Variants in METTL5 observed in about 807,000 individuals in gnomAD.
METTL5 encodes methyltransferase 5, N6-adenosine.
A neutral mutation model predicts 26.5 loss-of-function variants in METTL5; 28 were observed. That is an observed-to-expected ratio of 1.06 (90% CI 0.78 to 1.45). The LOEUF (loss-of-function observed/expected upper bound fraction) is 1.45, where lower values mean the gene tolerates loss of function less well. Among genes scored for constraint, METTL5 ranks in the 40% most tolerant of loss-of-function variants. The pLI is 0.00. For synonymous variants in METTL5, 86 were observed against 82.6 expected (o/e 1.04, Z -0.22); for missense variants, 231 against 249.9 (o/e 0.92, Z 0.51).
At chr2:169,821,791 A>G (rs771456517) in intron 2 of METTL5, 152 bp downstream of exon 2, 3 of 629,748 alleles carry the variant, frequency 4.8e-6, no homozygotes, top group Non-Finnish European at 8.1e-6. Flanking sequence ...TAGTTTGTTT[A>G]GATCTTCTGC....
In METTL5 at chr2:169,812,507, C is replaced by G. The variant is rs1690007203; in HGVS notation, c.542-1G>C. On this transcript the variant is annotated splice_acceptor_variant, in intron 5 of 6. Transcript: ENST00000260953. LOFTEE classifies it high-confidence loss of function. ...GATGCTGGCAGGTCATATCGAAGTT[C>G]TGTAAAACAAAAGCCACCTAAGGAT... is the stretch of plus-strand genomic sequence containing the variant. 4.3e-6 allele frequency: 7 copies of G among 1,612,940 alleles called. No individual in the cohort carries two copies. The highest frequency in any genetic ancestry group is 5.9e-6 in the Non-Finnish European group (7 of 1,179,768).
At chr2:169,822,400 C>A (rs1174634580) in intron 1 of METTL5, among the ~76,000 whole-genome samples, 1 of 152,092 alleles carries the variant, frequency 6.6e-6, no homozygotes, top group African/African-American at 2.4e-5. Context: ...CATATCGGTT[C>A]TTTCTTTGAT....
chr2:169,819,425 G>T, intron 4 of METTL5, 136 bp downstream of exon 4: 1 of 582,152 alleles, frequency 1.7e-6, no homozygotes, highest in Non-Finnish European at 2.9e-6. Flanking sequence ...CTGGTTAAGT[G>T]GAAAATTTAA....
chr2:169,823,093 TCCTG>T (rs1445541552), intron 1 of METTL5, among the ~76,000 whole-genome samples: 1 of 151,908 alleles, frequency 6.6e-6, no homozygotes, highest in Non-Finnish European at 1.5e-5. Flanking sequence ...CAAGCAATTC[TCCTG>T]CCTTAGTATC....
At chr2:169,815,941 T>C (rs540442292) in intron 4 of METTL5, among the ~76,000 whole-genome samples, 1 of 152,322 alleles carries the variant, frequency 6.6e-6, no homozygotes, top group East Asian at 1.9e-4. Flanking sequence ...TACCATTGTG[T>C]TACAATTGCC....
rs778601058 is a variant in METTL5, at chr2:169,821,968, T to C, written c.199A>G (p.Ile67Val). 1 of 1,613,814 alleles carries C rather than the reference T, an allele frequency of 6.2e-7. No homozygotes were observed. Among genetic ancestry groups the C allele is most frequent in the East Asian group, 2.2e-5 (1 of 44,872 alleles). Reference protein sequence around the residue: ...DLGCGCGVLSIGTAMLGAGLC... With the variant: ...DLGCGCGVLSVGTAMLGAGLC... The stretch of plus-strand genomic sequence containing the variant: ...CCTGCTCCTAACATTGCAGTTCCGA[T>C]GCTAAGTACTCCACAACCACATCCT... The change falls in exon 2 of 7, where the codon ATC becomes GTC. Residue 67 changes from isoleucine (I) to valine (V), a missense_variant. Ile to Val is a conservative substitution (Grantham distance 29, BLOSUM62 3). Transcript: ENST00000260953.
In METTL5 at chr2:169,811,772, T is replaced by C. The variant is rs1689963222; in HGVS notation, c.*48A>G. 5.0e-6 allele frequency: 8 copies of C among 1,612,962 alleles called. No individual in the cohort carries two copies. Among genetic ancestry groups the C allele is most frequent in the Non-Finnish European group, 6.8e-6 (8 of 1,179,642 alleles). Reference sequence around the variant, plus strand: ...AGACCAGTAGTTTAGTAAACCAATTTTTTATTCATTTTAAATAGGTTTTAA... The same window carrying C: ...AGACCAGTAGTTTAGTAAACCAATTCTTTATTCATTTTAAATAGGTTTTAA... On this transcript the variant is annotated 3_prime_UTR_variant, in exon 7 of 7. Coordinates refer to ENST00000260953, the MANE Select transcript of METTL5 (RefSeq NM_014168.4).
At chr2:169,822,428 A>G (rs1193867974) in intron 1 of METTL5, among the ~76,000 whole-genome samples, 2 of 152,166 alleles carry the variant, frequency 1.3e-5, no homozygotes, top group Non-Finnish European at 2.9e-5. Flanking sequence ...TATTTTTAAG[A>G]AAGAATGGTA....
intron 2 of METTL5, 34 bp from the exon 3 acceptor site, chr2:169,821,307 C>A: frequency 6.9e-7 from 1 of 1,459,674 alleles, no homozygotes; most frequent in Non-Finnish European, 9.1e-7. Flanking sequence ...AGAGTGGCGA[C>A]TTATAGCTCC....
intron 6 of METTL5, 68 bp downstream of exon 6, chr2:169,812,389 A>T: frequency 6.2e-7 from 1 of 1,612,230 alleles, no homozygotes; most frequent in Non-Finnish European, 8.5e-7. Flanking sequence ...TACAGGCATG[A>T]ACCACCACAT....
intron 5 of METTL5, among the ~76,000 whole-genome samples, chr2:169,814,896 T>C (rs1334173446): frequency 2.0e-5 from 3 of 151,242 alleles, no homozygotes; most frequent in Non-Finnish European, 4.4e-5. Flanking sequence ...TTCATTTGTT[T>C]GTTTTTGTTT....
Position 169,819,596 on chromosome 2 carries a change from C to A in METTL5, c.454G>T (p.Ala152Ser). Residue 152 changes from alanine to serine, a missense_variant, in exon 4 of 7, where the codon GCA (alanine) becomes TCA (serine). Coordinates refer to ENST00000260953, the MANE Select transcript of METTL5 (RefSeq NM_014168.4). The stretch of plus-strand genomic sequence containing the variant: ...GAGGATTTGTGTAAGGAATATACTG[C>A]TGTTCTTGCCATTTCCAAAGCAGTC... ...LKTALEMART[A>S]VYSLHKSSTR... The A allele has an allele frequency of 6.2e-7, 1 of 1,613,154 alleles. No homozygotes were observed.
intron 5 of METTL5, among the ~76,000 whole-genome samples, chr2:169,814,568 C>G (rs1432580082): frequency 8.1e-6 from 1 of 123,522 alleles, no homozygotes; most frequent in African/African-American, 2.9e-5. Flanking sequence ...TGACCAACTC[C>G]AAGCCCACTT....
intron 1 of METTL5, among the ~76,000 whole-genome samples, chr2:169,822,886 C>T (rs1193223808): frequency 6.6e-6 from 1 of 152,186 alleles, no homozygotes; most frequent in Non-Finnish European, 1.5e-5. Flanking sequence ...TAGATACACA[C>T]TGAAGGTCAA....
At chr2:169,815,588 C>T (rs1194838976) in intron 4 of METTL5, 60 bp from the exon 5 acceptor site, 6 of 1,268,872 alleles carry the variant, frequency 4.7e-6, no homozygotes, top group Non-Finnish European at 6.6e-6. Context: ...TTTAAAATTG[C>T]TTTTTACTAA....
In METTL5 at chr2:169,812,418, C is replaced by G. The variant is rs1291333579; in HGVS notation, c.591+39G>C. 1.8e-5 allele frequency: 29 copies of G among 1,613,506 alleles called. No individual in the cohort carries two copies. The East Asian group carries it at 6.0e-4, about 34-fold the overall frequency. ...ACCACATCCGGCCCAGAAAGCTTTTCAATACCGAATGTAGACCAGCCAAAA... is the reference window on the plus strand; with the variant it reads ...ACCACATCCGGCCCAGAAAGCTTTTGAATACCGAATGTAGACCAGCCAAAA... On this transcript the variant is annotated intron_variant, in intron 6 of 6. Transcript: ENST00000260953.
chr2:169,822,102 A>G (rs1296365761), intron 1 of METTL5, 45 bp from the exon 2 acceptor site: 1 of 1,573,238 alleles, frequency 6.4e-7, no homozygotes, highest in Non-Finnish European at 8.6e-7. Flanking sequence ...GCCGGTGACT[A>G]AAATCTAATT....
Position 169,824,703 on chromosome 2 carries a change from T to C in METTL5, c.-106A>G, listed in dbSNP as rs957753918. The C allele has an allele frequency of 1.1e-6, 1 of 938,716 alleles. No individual in the cohort carries two copies. The highest frequency in any genetic ancestry group is 1.6e-5 in the African/African-American group (1 of 61,694). 58.1% of individuals were successfully genotyped at this position (938,716 alleles called of 1,614,324 possible). ...CCCTACCCCCAACCTTCTCCCTTTT[T>C]CAGCACCGCTGGCCGGACCCGAAGA... On this transcript the variant is annotated 5_prime_UTR_variant, in exon 1 of 7. Coordinates refer to ENST00000260953, the MANE Select transcript of METTL5 (RefSeq NM_014168.4).
chr2:169,817,960 C>G (rs1236857611), intron 4 of METTL5, among the ~76,000 whole-genome samples: 1 of 152,114 alleles, frequency 6.6e-6, no homozygotes, highest in Non-Finnish European at 1.5e-5. Context: ...GAGTTCACAG[C>G]AGGCCTGGCT....
Sources: allele counts gnomAD v4.1 joint callset (sites outside exome capture counted in the v4.1 genomes callset), GRCh38; gene constraint gnomAD v4.1.1; transcripts MANE v1.5; gene names NCBI Gene and HGNC (gene_info 2026-07-23, HGNC 2026-07-21).